PRKG1: variants seen among roughly 807,000 people sequenced by gnomAD.
The protein encoded by PRKG1 is protein kinase cGMP-dependent 1, also known as cGMP-dependent protein kinase 1.
In PRKG1, 35 loss-of-function variants were observed where a neutral mutation model predicts 88.1. The observed-to-expected ratio is 0.40, with a 90% CI of 0.30 to 0.53. PRKG1 has a LOEUF of 0.53. Among genes scored for constraint, PRKG1 ranks in the 20% least tolerant of loss-of-function variants. The probability of loss-of-function intolerance (pLI) is 0.59; values close to 1 mark genes in which losing one functional copy is unlikely to be tolerated. For missense variants in PRKG1, 540 were observed against 839.8 expected (o/e 0.64, Z 4.41); for synonymous variants, 303 against 292.5 (o/e 1.04, Z -0.37).
At chr10:51,809,396 T>C (rs1217058639) in intron 4 of PRKG1, among the ~76,000 whole-genome samples, 1 of 152,178 alleles carries the variant, frequency 6.6e-6, no homozygotes, top group Non-Finnish European at 1.5e-5. Flanking sequence ...CTTTGGCTAC[T>C]AAAAAATACT....
chr10:51,228,952 G>A (rs1458193035), intron 2 of PRKG1, among the ~76,000 whole-genome samples: 5 of 152,068 alleles, frequency 3.3e-5, no homozygotes, highest in South Asian at 4.1e-4. Flanking sequence ...CATCATGACC[G>A]TTATGCAGAC....
At chr10:51,379,330 T>G (rs936830077) in intron 2 of PRKG1, among the ~76,000 whole-genome samples, 1 of 152,228 alleles carries the variant, frequency 6.6e-6, no homozygotes, top group African/African-American at 2.4e-5. Flanking sequence ...AGTTAATTGA[T>G]GTACTAACTT....
At chr10:51,579,678 G>T (rs915025782) in intron 3 of PRKG1, among the ~76,000 whole-genome samples, 1 of 152,044 alleles carries the variant, frequency 6.6e-6, no homozygotes, top group African/African-American at 2.4e-5. Flanking sequence ...ACTATATGAG[G>T]AGACTGGCTA....
At chr10:51,373,252 C>G (rs907977817) in intron 2 of PRKG1, among the ~76,000 whole-genome samples, 10 of 152,144 alleles carry the variant, frequency 6.6e-5, no homozygotes, top group Non-Finnish European at 1.5e-5. Context: ...TGAAGCAACA[C>G]AAAGTTATTA....
chr10:51,549,125 T>TC (rs953374976), intron 3 of PRKG1, among the ~76,000 whole-genome samples: 4 of 112,450 alleles, frequency 3.6e-5, no homozygotes, highest in Non-Finnish European at 7.3e-5. Context: ...CTTTTCTTTT[T>TC]TTTTTTTTTT....
chr10:51,554,348 T>C (rs1425733286), intron 3 of PRKG1, among the ~76,000 whole-genome samples: 2 of 146,306 alleles, frequency 1.4e-5, no homozygotes, highest in Admixed American at 6.9e-5. Context: ...TATATACACA[T>C]ATATAATATA....
chr10:51,738,258 G>T (rs1837342508), intron 3 of PRKG1, among the ~76,000 whole-genome samples: 1 of 152,086 alleles, frequency 6.6e-6, no homozygotes, highest in Non-Finnish European at 1.5e-5. Flanking sequence ...ATATTACCTA[G>T]AGTTTTTTGT....
chr10:51,158,025 A>G (rs1846257872), intron 2 of PRKG1, among the ~76,000 whole-genome samples: 1 of 151,878 alleles, frequency 6.6e-6, no homozygotes, highest in African/African-American at 2.4e-5. Context: ...GGAACATTCA[A>G]TATCCTCCTT....
At chr10:52,219,320 A>G (rs191733104) in intron 9 of PRKG1, among the ~76,000 whole-genome samples, 2 of 152,282 alleles carry the variant, frequency 1.3e-5, no homozygotes, top group Admixed American at 6.5e-5. Flanking sequence ...ATTATAGTGT[A>G]TTTTCCTTCA....
intron 2 of PRKG1, among the ~76,000 whole-genome samples, chr10:51,349,539 C>T (rs1394741972): frequency 1.1e-4 from 16 of 145,448 alleles, no homozygotes; most frequent in African/African-American, 3.3e-4. Flanking sequence ...TGAAGTCTTG[C>T]TCTGACACTC....
At chr10:51,809,711 G>A (rs1426054872) in intron 4 of PRKG1, among the ~76,000 whole-genome samples, 1 of 152,176 alleles carries the variant, frequency 6.6e-6, no homozygotes, top group East Asian at 1.9e-4. Flanking sequence ...AGTAGATCCT[G>A]TTCACCCTCA....
intron 2 of PRKG1, among the ~76,000 whole-genome samples, chr10:51,156,298 C>T (rs1177799885): frequency 3.9e-5 from 2 of 51,872 alleles, no homozygotes; most frequent in Non-Finnish European, 7.2e-5. Flanking sequence ...TTGATGCAAG[C>T]ACACACACAC....
intron 3 of PRKG1, among the ~76,000 whole-genome samples, chr10:51,670,653 G>A (rs898192883): frequency 7.4e-5 from 11 of 148,000 alleles, no homozygotes; most frequent in Admixed American, 1.3e-4. Context: ...GGAGAATGGC[G>A]TGAACCCGGG....
intron 5 of PRKG1, among the ~76,000 whole-genome samples, chr10:51,942,041 G>T (rs972651841): frequency 6.2e-4 from 94 of 152,110 alleles, no homozygotes; most frequent in Admixed American, 9.8e-4. Flanking sequence ...ACTTCCACAA[G>T]GGTTGAACTA....
At chr10:52,072,880 T>C (rs982863609) in intron 7 of PRKG1, among the ~76,000 whole-genome samples, 3 of 152,202 alleles carry the variant, frequency 2.0e-5, no homozygotes, top group African/African-American at 7.2e-5. Context: ...CCCCTCTTTG[T>C]GATGATGACA....
At chr10:52,214,681 G>T (rs1840065360) in intron 9 of PRKG1, among the ~76,000 whole-genome samples, 1 of 152,142 alleles carries the variant, frequency 6.6e-6, no homozygotes, top group South Asian at 2.1e-4. Flanking sequence ...AGTTTGAAAG[G>T]AGTGGCTGTG....
intron 2 of PRKG1, among the ~76,000 whole-genome samples, chr10:51,222,861 C>CA (rs1216235725): frequency 6.6e-6 from 1 of 151,726 alleles, no homozygotes; most frequent in Non-Finnish European, 1.5e-5. Flanking sequence ...AATTGATAAA[C>CA]AAAAAATGTA....
chr10:51,905,826 C>T (rs112205221), intron 4 of PRKG1, among the ~76,000 whole-genome samples: 48 of 152,128 alleles, frequency 3.2e-4, no homozygotes, highest in African/African-American at 1.1e-3. Flanking sequence ...ATGAAGCATT[C>T]ACAAATCCAT....
intron 2 of PRKG1, among the ~76,000 whole-genome samples, chr10:51,308,949 A>G (rs1420244724): frequency 6.6e-6 from 1 of 152,006 alleles, no homozygotes; most frequent in African/African-American, 2.4e-5. Flanking sequence ...TTGTTCTGGG[A>G]GTGTAGAGAA....
Sources: gnomAD v4.1 joint callset for allele counts (sites outside exome capture counted in the v4.1 genomes callset) on GRCh38, gnomAD v4.1.1 for gene constraint, MANE v1.5 for transcripts, NCBI Gene and HGNC (gene_info 2026-07-23, HGNC 2026-07-21) for gene names.